KCNN1: variants seen among roughly 807,000 people sequenced by gnomAD.
KCNN1 encodes the protein small conductance calcium-activated potassium channel protein 1.
A neutral mutation model predicts 44.7 loss-of-function variants in KCNN1; 20 were observed. The observed-to-expected ratio is 0.45, with a 90% CI of 0.32 to 0.65. The LOEUF (loss-of-function observed/expected upper bound fraction) is 0.65, where lower values mean the gene tolerates loss of function less well. Ranked by LOEUF, KCNN1 falls within the 30% of genes least tolerant of loss-of-function variation. KCNN1 has a pLI of 0.05. For synonymous variants in KCNN1, 324 were observed against 341.7 expected, an observed-to-expected ratio of 0.95 and a Z score of 0.57; for missense variants, 632 against 785.3, an observed-to-expected ratio of 0.80 and a Z score of 2.33.
intron 9 of KCNN1, among the ~76,000 whole-genome samples, chr19:17,997,480 C>T (rs574347525): frequency 6.6e-6 from 1 of 152,296 alleles, no homozygotes; most frequent in East Asian, 1.9e-4. Context: ...CTTTCCCAGG[C>T]CTGCCAGCCC....
chr19:17,955,868 G>A (rs2145897954), intron 2 of KCNN1, among the ~76,000 whole-genome samples: 1 of 150,310 alleles, frequency 6.7e-6, no homozygotes, highest in East Asian at 2.0e-4. Flanking sequence ...CCAGCTCTGT[G>A]GAAGGCAGCT....
At chr19:17,995,940 T>C (rs1381371538) in intron 9 of KCNN1, among the ~76,000 whole-genome samples, 1 of 152,114 alleles carries the variant, frequency 6.6e-6, no homozygotes, top group Non-Finnish European at 1.5e-5. Flanking sequence ...TAGCCTACCA[T>C]TGACCAAAAG....
chr19:17,965,664 C>G (rs1053815425), upstream of KCNN1, among the ~76,000 whole-genome samples: 10 of 152,088 alleles, frequency 6.6e-5, no homozygotes, highest in Non-Finnish European at 1.5e-4. Context: ...TTCGGAGTCC[C>G]CACAACCCCT....
rs1370223667 is a variant in KCNN1, at chr19:17,974,085, A to G, written c.197A>G (p.Gln66Arg). 1 of 1,611,854 alleles carries G rather than the reference A, an allele frequency of 6.2e-7. No individual in the cohort carries two copies. The highest frequency in any genetic ancestry group is 8.5e-7 in the Non-Finnish European group (1 of 1,179,770). Residue 66 changes from glutamine (Q) to arginine (R), a missense_variant, in exon 2 of 10, where the codon CAG becomes CGG. By Grantham distance (43) the Gln-to-Arg change is conservative (BLOSUM62 1). Coordinates refer to ENST00000684775, the MANE Select transcript of KCNN1 (RefSeq NM_001386974.1). This position sits in a 1 kb window ranked among gnomAD's most constrained non-coding sequence, Gnocchi z 7.3. ...AGCCCCCGGGGGCAGCCCCAGGACC[A>G]GGACGATGACGAGGATGATGAGGAA... Reference protein sequence around the residue: ...PGSPRGQPQDQDDDEDDEEDE... With the variant: ...PGSPRGQPQDRDDDEDDEEDE...
Position 17,993,446 on chromosome 19 carries a change from C to T in KCNN1, c.1308-44C>T, listed in dbSNP as rs959713577. On this transcript the variant is annotated intron_variant, in intron 8 of 9. Coordinates refer to ENST00000684775, the MANE Select transcript of KCNN1 (RefSeq NM_001386974.1). The surrounding 1 kb of genome is among the most constrained non-coding windows in gnomAD (Gnocchi z 4.5). ...GTCCCTGCCCCCACTGCAGCCTCCA[C>T]GGGAACCTGCCTAACCCCCTCCCCC... 1.0e-5 allele frequency: 15 copies of T among 1,486,228 alleles called. No homozygotes were observed. The highest frequency in any genetic ancestry group is 6.9e-5 in the African/African-American group (5 of 72,468). The allele number at this position is 1,486,228 out of a possible 1,614,324, so 92.1% of individuals were successfully genotyped here.
chr19:17,961,602 G>A (rs1483137494), intron 2 of KCNN1, among the ~76,000 whole-genome samples: 1 of 66,602 alleles, frequency 1.5e-5, no homozygotes, highest in Non-Finnish European at 3.1e-5. Flanking sequence ...TTTTTTTTGA[G>A]ACGGAGTCTT....
chr19:17,958,480 CT>C (rs71164331), intron 2 of KCNN1, among the ~76,000 whole-genome samples: 15,234 of 99,254 alleles, frequency 0.15, 768 homozygotes, highest in East Asian at 0.28. Context: ...GACCCTGTCT[CT>C]TTTTTTTTTT....
chr19:17,990,387 G>C (rs958215645), intron 7 of KCNN1, among the ~76,000 whole-genome samples: 1 of 151,184 alleles, frequency 6.6e-6, no homozygotes, highest in South Asian at 2.1e-4. Context: ...GGGAGGCTGA[G>C]GTGGAAGGAT....
At chr19:17,982,349 C>G (rs2032447391) in intron 4 of KCNN1, among the ~76,000 whole-genome samples, 2 of 152,070 alleles carry the variant, frequency 1.3e-5, no homozygotes, top group Admixed American at 1.3e-4. Flanking sequence ...TGCCCTCAAC[C>G]AGGGAGGGAC....
chr19:17,967,170 C>T lies in KCNN1; in HGVS notation c.-229C>T. The T allele has an allele frequency of 1.1e-6, 1 of 948,990 alleles. No individual in the cohort carries two copies. Among genetic ancestry groups the T allele is most frequent in the Non-Finnish European group, 1.3e-6 (1 of 798,954 alleles). The allele number at this position is 948,990 out of a possible 1,614,324, so 58.8% of individuals were successfully genotyped here. ...GGGGGATGCGCCTGCCGCCGCCGCC[C>T]CCGGCCCCGCCGCCCCCGGGCCCCG... On this transcript the variant is annotated 5_prime_UTR_variant, in exon 1 of 10. Transcript: ENST00000684775.
At chr19:17,973,747 C>G in intron 1 of KCNN1, 61 bp from the exon 2 acceptor site, 2 of 1,440,436 alleles carry the variant, frequency 1.4e-6, no homozygotes, top group South Asian at 1.5e-5. Context: ...CGGGATGGTC[C>G]TTGCCTTTCT....
rs1448399672 is a variant in KCNN1 at position 17,975,088 on chromosome 19, C to T, written c.403-4C>T. 2 of 1,612,284 alleles carry T rather than the reference C, an allele frequency of 1.2e-6. No homozygotes were observed. Among genetic ancestry groups the T allele is most frequent in the Admixed American group, 1.7e-5 (1 of 60,006 alleles). On this transcript the variant is annotated splice_region_variant and splice_polypyrimidine_tract_variant and intron_variant, in intron 2 of 9. Coordinates refer to ENST00000684775, the MANE Select transcript of KCNN1 (RefSeq NM_001386974.1). ...CATCTGGCTGTGTCCTCTCTCTTTA[C>T]CAGGAGTCTCTGTACTCATTCGCAC...
intron 2 of KCNN1, among the ~76,000 whole-genome samples, chr19:17,959,820 C>A (rs752710737): frequency 6.6e-6 from 1 of 152,118 alleles, no homozygotes; most frequent in African/African-American, 2.4e-5. Context: ...CGCGGTGGCT[C>A]AGGCCTATAA....
At chr19:17,986,848 C>T (rs1165535784) in intron 5 of KCNN1, among the ~76,000 whole-genome samples, 4 of 152,044 alleles carry the variant, frequency 2.6e-5, no homozygotes, top group Admixed American at 6.6e-5. Context: ...ACTCTGTTGC[C>T]CAGCCTGGAG....
rs1354145263 is a variant in KCNN1 at position 17,985,437 on chromosome 19, T to G, written c.1043T>G (p.Leu348Arg). ...PHTYCGKGVC[L>R]LTGIMGAGCT... ...ACCTACTGCGGGAAGGGTGTGTGCC[T>G]GCTCACTGGCATCATGGTAAGGGTG... Residue 348 changes from leucine (L) to arginine (R), a missense_variant, in exon 5 of 10, where the codon CTG (leucine) becomes CGG (arginine). By Grantham distance (102) the Leu-to-Arg change is moderately radical. Coordinates refer to ENST00000684775, the MANE Select transcript of KCNN1 (RefSeq NM_001386974.1). The G allele has an allele frequency of 6.3e-7, 1 of 1,594,734 alleles. No individual in the cohort carries two copies. Among genetic ancestry groups the G allele is most frequent in the Non-Finnish European group, 8.6e-7 (1 of 1,167,094 alleles).
At chr19:17,989,309 T>G (rs2032708547) in intron 6 of KCNN1, among the ~76,000 whole-genome samples, 1 of 151,860 alleles carries the variant, frequency 6.6e-6, no homozygotes. Context: ...AATACAAAAA[T>G]TAGCTGAGCG....
chr19:17,969,693 G>A (rs1290933513), intron 1 of KCNN1, among the ~76,000 whole-genome samples: 1 of 152,236 alleles, frequency 6.6e-6, no homozygotes, highest in African/African-American at 2.4e-5. Flanking sequence ...CGTTTCGGAA[G>A]GTCGTTTGCA....
chr19:17,975,071 T>G (rs747655864), intron 2 of KCNN1, 21 bp from the exon 3 acceptor site: 2 of 1,602,070 alleles, frequency 1.2e-6, no homozygotes, highest in African/African-American at 2.7e-5. Context: ...TCCATCTGGC[T>G]GTGTCCTCTC....
chr19:17,972,592 C>T (rs2032058269), intron 1 of KCNN1, among the ~76,000 whole-genome samples: 1 of 152,168 alleles, frequency 6.6e-6, no homozygotes, highest in African/African-American at 2.4e-5. Context: ...TGTTTGGAAT[C>T]TGTTTGGAGA....
Sources: allele counts gnomAD v4.1 joint callset (sites outside exome capture counted in the v4.1 genomes callset), GRCh38; gene constraint gnomAD v4.1.1; non-coding constraint Gnocchi (gnomAD v3.1); transcripts MANE v1.5; gene names NCBI Gene and HGNC (gene_info 2026-07-23, HGNC 2026-07-21).